The following CPQ variants were observed in gnomAD, a reference collection of about 807,000 sequenced individuals.
CPQ encodes the protein carboxypeptidase Q.
A neutral mutation model predicts 45.7 loss-of-function variants in CPQ; 37 were observed. The observed-to-expected ratio is 0.81, with a 90% CI of 0.62 to 1.07. The LOEUF (loss-of-function observed/expected upper bound fraction) is 1.07. Ranked by LOEUF, CPQ falls within the 50% of genes least tolerant of loss-of-function variation. The probability of loss-of-function intolerance (pLI) is 0.00; values close to 1 mark genes in which losing one functional copy is unlikely to be tolerated. For synonymous variants in CPQ, 186 were observed against 205.8 expected (o/e 0.90, Z 0.82); for missense variants, 537 against 572.9 (o/e 0.94, Z 0.64).
At chr8:96,945,081 A>T (rs1408015566) in intron 4 of CPQ, among the ~76,000 whole-genome samples, 1 of 152,132 alleles carries the variant, frequency 6.6e-6, no homozygotes, top group African/African-American at 2.4e-5. Context: ...TCCTATGTCC[A>T]GTGTCAGCCC....
chr8:97,123,148 T>TAAATAAAATAAAATA (rs749303830), intron 7 of CPQ, among the ~76,000 whole-genome samples: 3 of 20,620 alleles, frequency 1.5e-4, no homozygotes, highest in Non-Finnish European at 2.7e-4. Flanking sequence ...TAAAATAAAA[T>TAAATAAAATAAAATA]AAATAAAATA....
intron 1 of CPQ, among the ~76,000 whole-genome samples, chr8:96,775,458 A>ATAT (rs1043429901): frequency 3.9e-5 from 6 of 152,190 alleles, no homozygotes; most frequent in African/African-American, 1.4e-4. Flanking sequence ...TGACAGCAAC[A>ATAT]TATGCAAGTG....
intron 7 of CPQ, among the ~76,000 whole-genome samples, chr8:97,066,916 C>CTTTTTTT (rs752150876): frequency 5.0e-5 from 3 of 60,398 alleles, no homozygotes; most frequent in African/African-American, 1.2e-4. Flanking sequence ...CTGGAACAGT[C>CTTTTTTT]TTTTTTTTTT....
At chr8:96,757,630 T>A (rs1168063999) in intron 1 of CPQ, among the ~76,000 whole-genome samples, 4 of 152,110 alleles carry the variant, frequency 2.6e-5, no homozygotes, top group African/African-American at 7.2e-5. Context: ...AGCCAATTAT[T>A]TTTTTCAGCT....
intron 2 of CPQ, among the ~76,000 whole-genome samples, chr8:96,830,664 C>G (rs776601437): frequency 6.6e-6 from 1 of 151,982 alleles, no homozygotes; most frequent in African/African-American, 2.4e-5. Flanking sequence ...TTACTCTAAC[C>G]GAGTCTGATG....
chr8:96,790,235 T>C (rs1810829214), intron 2 of CPQ, among the ~76,000 whole-genome samples: 1 of 152,178 alleles, frequency 6.6e-6, no homozygotes, highest in Admixed American at 6.5e-5. Flanking sequence ...TTCGTGCTAC[T>C]GCAAGGGAGC....
intron 1 of CPQ, among the ~76,000 whole-genome samples, chr8:96,724,456 G>C (rs1160594038): frequency 6.6e-6 from 1 of 151,166 alleles, no homozygotes; most frequent in African/African-American, 2.4e-5. Flanking sequence ...TTCAAGCTGA[G>C]AGCCAAGTCA....
At chr8:96,960,260 T>C (rs1813434988) in intron 4 of CPQ, among the ~76,000 whole-genome samples, 1 of 152,178 alleles carries the variant, frequency 6.6e-6, no homozygotes, top group African/African-American at 2.4e-5. Flanking sequence ...TTATATTTGA[T>C]CTCTAGTTAG....
rs1306548313 is a variant in CPQ, at chr8:96,766,481, C to T, written c.-34-18383C>T. 2.0e-5 allele frequency among the ~76,000 whole-genome samples: 3 copies of T among 152,158 alleles called. 1 individual carries two copies. Among genetic ancestry groups the T allele is most frequent in the South Asian group, 4.2e-4 (2 of 4,818 alleles). ...TGGCCCTCTGAGCAACTGCTGGAGG[C>T]GTTGGGAAGATGGGAATCAAATGCA... On this transcript the variant is annotated intron_variant, in intron 1 of 7. Coordinates refer to ENST00000220763, the MANE Select transcript of CPQ (RefSeq NM_016134.4).
chr8:96,945,255 G>A (rs1170753431), intron 4 of CPQ, among the ~76,000 whole-genome samples: 2 of 152,120 alleles, frequency 1.3e-5, no homozygotes, highest in Non-Finnish European at 2.9e-5. Context: ...CTCAAAAGTG[G>A]GTGTGGGGAG....
At chr8:96,993,367 C>CT (rs1236467527) in intron 5 of CPQ, among the ~76,000 whole-genome samples, 2 of 152,086 alleles carry the variant, frequency 1.3e-5, no homozygotes, top group East Asian at 3.9e-4. Flanking sequence ...TTAGTACAAG[C>CT]TTATGCATCA....
At chr8:97,017,746 A>G (rs1809606978) in intron 5 of CPQ, among the ~76,000 whole-genome samples, 1 of 152,094 alleles carries the variant, frequency 6.6e-6, no homozygotes, top group Non-Finnish European at 1.5e-5. Flanking sequence ...CACAGCAGCC[A>G]TAGCAAGAGT....
intron 3 of CPQ, among the ~76,000 whole-genome samples, chr8:96,871,749 C>T (rs533260528): frequency 6.6e-6 from 1 of 151,722 alleles, no homozygotes; most frequent in Admixed American, 6.6e-5. Flanking sequence ...TTTCTTTGAA[C>T]TTAACATTAT....
chr8:96,724,487 G>A (rs958258910), intron 1 of CPQ, among the ~76,000 whole-genome samples: 10 of 125,524 alleles, frequency 8.0e-5, no homozygotes, highest in Non-Finnish European at 1.5e-4. Context: ...CCCATTTAGA[G>A]TAGACACACA....
intron 2 of CPQ, among the ~76,000 whole-genome samples, chr8:96,821,321 G>C (rs758416873): frequency 1.3e-5 from 2 of 151,022 alleles, no homozygotes; most frequent in African/African-American, 4.9e-5. Flanking sequence ...TTTTTGCTTG[G>C]GTTGCCTGTG....
chr8:97,007,524 A>G (rs139656724), intron 5 of CPQ, among the ~76,000 whole-genome samples: 3,649 of 152,336 alleles, frequency 0.024, 77 homozygotes, highest in South Asian at 0.094. Context: ...CCAAAATGGG[A>G]GTAATCACAG....
intron 1 of CPQ, among the ~76,000 whole-genome samples, chr8:96,765,042 G>T (rs527744629): frequency 6.6e-6 from 1 of 152,192 alleles, no homozygotes; most frequent in East Asian, 1.9e-4. Context: ...GAACAAGAAA[G>T]AATAGTAACT....
intron 7 of CPQ, among the ~76,000 whole-genome samples, chr8:97,069,016 C>T (rs1276451269): frequency 1.3e-5 from 2 of 152,184 alleles, no homozygotes; most frequent in African/African-American, 2.4e-5. Flanking sequence ...TCAGTCCATT[C>T]CTGCTCCACA....
Position 97,130,019 on chromosome 8 carries a change from G to A in CPQ, c.1256-13001G>A, listed in dbSNP as rs78134302. Among the ~76,000 whole-genome samples, 24 of 152,280 alleles carry A rather than the reference G, an allele frequency of 1.6e-4. No homozygotes were observed. The East Asian group carries it at 3.3e-3, about 21-fold the overall frequency. ...AGTGAAAGGTTGATACATTGTAAAC[G>A]TAACTGTGATCATTCTGAGTAGTCA... On this transcript the variant is annotated intron_variant, in intron 7 of 7. Coordinates refer to ENST00000220763, the MANE Select transcript of CPQ (RefSeq NM_016134.4).
Sources: gnomAD v4.1 joint callset for allele counts (sites outside exome capture counted in the v4.1 genomes callset) on GRCh38, gnomAD v4.1.1 for gene constraint, MANE v1.5 for transcripts, NCBI Gene and HGNC (gene_info 2026-07-23, HGNC 2026-07-21) for gene names.